The following SLC35F4 variants were observed in gnomAD, a reference collection of about 807,000 sequenced individuals.
SLC35F4 encodes solute carrier family 35 member F4.
In SLC35F4, 24 loss-of-function variants were observed where a neutral mutation model predicts 44.2. That is an observed-to-expected ratio of 0.54 (90% confidence interval 0.39 to 0.76). SLC35F4 has a LOEUF of 0.76. Among genes scored for constraint, SLC35F4 ranks in the 30% least tolerant of loss-of-function variants. SLC35F4 has a pLI of 0.00. For synonymous variants in SLC35F4, 238 were observed against 223.6 expected (o/e 1.06, Z -0.57); for missense variants, 562 against 586.1 (o/e 0.96, Z 0.42).
At chr14:57,728,787 A>T (rs1248230316) in intron 1 of SLC35F4, among the ~76,000 whole-genome samples, 6 of 151,994 alleles carry the variant, frequency 3.9e-5, no homozygotes, top group Non-Finnish European at 5.9e-5. Flanking sequence ...CTTATTGTTC[A>T]TCTACATCCT....
chr14:57,799,541 G>A (rs1304491602), intron 1 of SLC35F4: 1 of 152,434 alleles, frequency 6.6e-6, no homozygotes, highest in African/African-American at 2.4e-5. Context: ...CACAAGTTAA[G>A]ACCCACTGGC....
chr14:57,970,760 C>T (rs186103725), intron 1 of SLC35F4, among the ~76,000 whole-genome samples: 57 of 152,278 alleles, frequency 3.7e-4, no homozygotes, highest in Admixed American at 3.1e-3. Flanking sequence ...TCTGCAGCAT[C>T]CCACTCGACC....
intron 1 of SLC35F4, among the ~76,000 whole-genome samples, chr14:57,852,801 C>T (rs1886701949): frequency 2.7e-5 from 4 of 150,874 alleles, no homozygotes; most frequent in Admixed American, 2.0e-4. Flanking sequence ...AAAATAGATA[C>T]CAAAGGCACA....
chr14:57,766,681 G>A (rs2077242698), intron 1 of SLC35F4, among the ~76,000 whole-genome samples: 2 of 152,198 alleles, frequency 1.3e-5, no homozygotes, highest in African/African-American at 4.8e-5. Context: ...TCATAGGCTA[G>A]TGCCAAGTCA....
chr14:57,745,688 G>A (rs2076735242), intron 1 of SLC35F4, among the ~76,000 whole-genome samples: 1 of 152,114 alleles, frequency 6.6e-6, no homozygotes, highest in African/African-American at 2.4e-5. Flanking sequence ...ATTCCTCAAG[G>A]ATCTAGAACT....
intron 1 of SLC35F4, among the ~76,000 whole-genome samples, chr14:57,897,623 A>G (rs1301995400): frequency 6.6e-6 from 1 of 152,086 alleles, no homozygotes; most frequent in African/African-American, 2.4e-5. Flanking sequence ...CTTGGGGCTC[A>G]GTGAAAACAC....
chr14:57,695,407 A>G (rs36195327), intron 1 of SLC35F4, among the ~76,000 whole-genome samples: 20,308 of 151,420 alleles, frequency 0.13, 1,629 homozygotes, highest in African/African-American at 0.22. Flanking sequence ...GCAGCCAAAA[A>G]ACACATGAAA....
intron 1 of SLC35F4, among the ~76,000 whole-genome samples, chr14:57,722,953 T>A (rs1267894414): frequency 6.6e-6 from 1 of 152,138 alleles, no homozygotes; most frequent in Non-Finnish European, 1.5e-5. Context: ...CTTCTGACAA[T>A]TTATACTGTT....
intron 1 of SLC35F4, among the ~76,000 whole-genome samples, chr14:57,881,792 T>A (rs1253402490): frequency 4.0e-5 from 6 of 149,666 alleles, no homozygotes; most frequent in African/African-American, 1.3e-4. Context: ...GGGGTTTTTT[T>A]AAAGTCTATT....
chr14:57,661,837 T>C (rs998269275), intron 1 of SLC35F4, among the ~76,000 whole-genome samples: 1 of 152,168 alleles, frequency 6.6e-6, no homozygotes, highest in African/African-American at 2.4e-5. Flanking sequence ...TCTAATAATA[T>C]GCACTTCTAA....
At chr14:57,846,241 C>T (rs982160529) in intron 1 of SLC35F4, among the ~76,000 whole-genome samples, 4 of 152,206 alleles carry the variant, frequency 2.6e-5, no homozygotes, top group African/African-American at 7.2e-5. Context: ...GAACACTCAT[C>T]CAAACCATTC....
At chr14:57,578,158 T>A (rs973135418) in intron 4 of SLC35F4, among the ~76,000 whole-genome samples, 5 of 151,578 alleles carry the variant, frequency 3.3e-5, no homozygotes, top group African/African-American at 4.8e-5. Context: ...AAAAAAAAAA[T>A]TAGAAGTAGG....
At chr14:57,921,398 G>A (rs1889440978) in intron 1 of SLC35F4, among the ~76,000 whole-genome samples, 1 of 152,172 alleles carries the variant, frequency 6.6e-6, no homozygotes, top group African/African-American at 2.4e-5. Context: ...CAACATGCTA[G>A]CTGTATTATC....
intron 1 of SLC35F4, among the ~76,000 whole-genome samples, chr14:57,876,545 A>G (rs1175479409): frequency 1.3e-5 from 2 of 152,212 alleles, no homozygotes; most frequent in East Asian, 1.9e-4. Flanking sequence ...AGATTCTGCC[A>G]TATAAAAATT....
Position 57,633,431 on chromosome 14 carries a change from A to C in SLC35F4, c.104-39307T>G, listed in dbSNP as rs143144888. ...GTTCTGATTTTGGCCATTCTAATAG[A>C]TAAGTAATGGTATCTCATTGCTGTA... On this transcript the variant is annotated intron_variant, in intron 1 of 7. Transcript: ENST00000556826. Among the ~76,000 whole-genome samples, 512 of 152,266 alleles carry C rather than the reference A, an allele frequency of 3.4e-3. 3 individuals carry two copies. The highest frequency in any genetic ancestry group is 7.8e-3 in the Admixed American group (119 of 15,300).
rs552122100 is a variant in SLC35F4 at position 57,580,842 on chromosome 14, A to G, written c.807+372T>C. 2.2e-4 allele frequency: 39 copies of G among 173,514 alleles called. No individual in the cohort carries two copies. In the South Asian group the frequency reaches 4.5e-3, roughly 20 times the overall value. The allele number at this position is 173,514 out of a possible 1,614,324, so 10.7% of individuals were successfully genotyped here. On this transcript the variant is annotated intron_variant, in intron 4 of 7. Coordinates refer to ENST00000556826, the MANE Select transcript of SLC35F4 (RefSeq NM_001306087.2). The stretch of plus-strand genomic sequence containing the variant: ...GGGGAATGGGGGGTCATCTCAACAT[A>G]TGTTGATTGAAAAATGCAAACCATA...
intron 1 of SLC35F4, among the ~76,000 whole-genome samples, chr14:57,656,376 T>C (rs7144222): frequency 0.015 from 1,124 of 74,004 alleles, 11 homozygotes; most frequent in African/African-American, 0.03. Flanking sequence ...TATATATATA[T>C]ACACACACAC....
chr14:57,833,273 C>A (rs1462683761), intron 1 of SLC35F4, among the ~76,000 whole-genome samples: 1 of 152,210 alleles, frequency 6.6e-6, no homozygotes, highest in Non-Finnish European at 1.5e-5. Flanking sequence ...CCTAGCTCTG[C>A]ACATCCTGTG....
At chr14:57,589,698 G>A (rs1218804454) in intron 2 of SLC35F4, among the ~76,000 whole-genome samples, 185 bp from the exon 3 acceptor site, 1 of 152,220 alleles carries the variant, frequency 6.6e-6, no homozygotes, top group Non-Finnish European at 1.5e-5. Context: ...TGGACTCTGT[G>A]CTCTGCACAA....
Sources: gnomAD v4.1 joint callset for allele counts (sites outside exome capture counted in the v4.1 genomes callset) on GRCh38, gnomAD v4.1.1 for gene constraint, MANE v1.5 for transcripts, NCBI Gene and HGNC (gene_info 2026-07-23, HGNC 2026-07-21) for gene names.